Variants in CYGB observed in about 807,000 individuals in gnomAD.
CYGB encodes the protein histoglobin.
A neutral mutation model predicts 20.7 loss-of-function variants in CYGB; 13 were observed. The observed-to-expected ratio is 0.63, with a 90% CI of 0.41 to 1.00. The LOEUF (loss-of-function observed/expected upper bound fraction) is 1.00. CYGB is among the 50% of genes least tolerant of loss of function. The pLI is 0.00. For missense variants in CYGB, 218 were observed against 257.2 expected (o/e 0.85, Z 1.04); for synonymous variants, 93 against 107.4 (o/e 0.87, Z 0.83).
chr17:76,531,399 G>C lies in CYGB; in HGVS notation c.375+61C>G. 4 of 1,557,106 alleles carry C rather than the reference G, an allele frequency of 2.6e-6. No individual in the cohort carries two copies. Among genetic ancestry groups the C allele is most frequent in the Non-Finnish European group, 1.8e-6 (2 of 1,138,916 alleles). Reference sequence around the variant, plus strand: ...TCCAGAGAGCCGTCGCAGAGCCTGCGAGCTGCAGATGGCCATGACGCGTGG... The same window carrying C: ...TCCAGAGAGCCGTCGCAGAGCCTGCCAGCTGCAGATGGCCATGACGCGTGG... On this transcript the variant is annotated intron_variant, in intron 2 of 3. Transcript: ENST00000293230. This position sits in a 1 kb window ranked among gnomAD's most constrained non-coding sequence, Gnocchi z 7.4.
At chr17:76,529,048 C>T (rs1255478862) in intron 3 of CYGB, 2 of 431,216 alleles carry the variant, frequency 4.6e-6, no homozygotes, top group African/African-American at 2.3e-5. Flanking sequence ...CATTGCGCCC[C>T]CCCCCCACCC....
rs1231901422 is a variant in CYGB at position 76,531,086 on chromosome 17, T to A, written c.432A>T (p.Pro144=). ...VVAEEFASDF[P]PETQRAWAKL... ...TGGCCCAGGCTCTCTGCGTCTCAGG[T>A]GGGAAGTCACTGGCAAATTCCTCGG... The change falls in exon 3 of 4, where the codon CCA becomes CCT. Residue 144 remains proline (P), a synonymous_variant. Transcript: ENST00000293230. The surrounding 1 kb of genome is among the most constrained non-coding windows in gnomAD (Gnocchi z 7.4). 2.5e-5 allele frequency: 40 copies of A among 1,613,468 alleles called. No individual in the cohort carries two copies. Among genetic ancestry groups the A allele is most frequent in the Non-Finnish European group, 3.4e-5 (40 of 1,179,846 alleles).
Position 76,542,944 on chromosome 17 carries a change from G to A in CYGB, c.-53+7918C>T, listed in dbSNP as rs549742285. ...GTCGGAGGACGCCCAAGGGAGAGGC[G>A]GTGCTCGGAAACATCCACTCTGAAA... On this transcript the variant is annotated intron_variant, in intron 1 of 3. Transcript: ENST00000589145. 3.0e-5 allele frequency: 16 copies of A among 529,794 alleles called. No homozygotes were observed. In the East Asian group the frequency reaches 6.7e-4, roughly 22 times the overall value. 32.8% of individuals were successfully genotyped at this position (529,794 alleles called of 1,614,324 possible).
intron 1 of CYGB, chr17:76,543,942 C>T: frequency 2.1e-6 from 1 of 469,392 alleles, no homozygotes; most frequent in Middle Eastern, 4.0e-4. Context: ...TGTATGTGTG[C>T]AAGCGCGTGT....
chr17:76,532,356 C>G (rs1461921934), intron 1 of CYGB, among the ~76,000 whole-genome samples: 2 of 152,108 alleles, frequency 1.3e-5, no homozygotes, highest in Non-Finnish European at 2.9e-5. Context: ...GTCAGACATG[C>G]CTTACCTGGA....
chr17:76,547,413 T>C, intron 1 of CYGB: 1 of 152,440 alleles, frequency 6.6e-6, no homozygotes, highest in Non-Finnish European at 1.5e-5. Context: ...AGGGGGAGGG[T>C]GCAGGCCATG....
At chr17:76,529,580 C>T (rs1260303149) in intron 3 of CYGB, 1 of 985,420 alleles carries the variant, frequency 1.0e-6, no homozygotes, top group Non-Finnish European at 1.2e-6. Context: ...TCTCTGGAAG[C>T]AGGAAGTCTT....
At chr17:76,529,454 G>A (rs2074808029) in intron 3 of CYGB, 4 of 985,468 alleles carry the variant, frequency 4.1e-6, no homozygotes, top group Non-Finnish European at 4.8e-6. Context: ...GCAGGGTGGG[G>A]AGGGCAGGAC....
exon 1 of CYGB, chr17:76,551,029 G>T (rs1445731986): frequency 6.6e-6 from 1 of 152,236 alleles, no homozygotes; most frequent in Non-Finnish European, 1.5e-5. Flanking sequence ...GCAGAGCTGG[G>T]ACTTTCCTCC....
chr17:76,537,170 T>G (rs1478721725), intron 1 of CYGB, among the ~76,000 whole-genome samples: 2 of 152,186 alleles, frequency 1.3e-5, no homozygotes, highest in Non-Finnish European at 2.9e-5. Context: ...GGTGCTCTCC[T>G]GCATCTGGTT....
intron 1 of CYGB, chr17:76,543,828 C>G: frequency 2.1e-6 from 1 of 471,094 alleles, no homozygotes; most frequent in South Asian, 1.5e-5. Flanking sequence ...CTGTCACTGG[C>G]TGCTCTGCTG....
intron 1 of CYGB, among the ~76,000 whole-genome samples, chr17:76,548,735 G>T (rs961359246): frequency 4.6e-5 from 7 of 152,258 alleles, no homozygotes; most frequent in African/African-American, 1.7e-4. Flanking sequence ...CAACTGTAAT[G>T]AACTGTGTCT....
At position 76,531,821 on chromosome 17, in the gene CYGB, C is replaced by A. The variant is rs370221832; in HGVS notation, c.144-130G>T. ...CACCCCCGCACCGTCACTGTTTTCA[C>A]TACCATCAGTAGACCTCAGCATAGA... On this transcript the variant is annotated intron_variant, in intron 1 of 3. Coordinates refer to ENST00000293230, the MANE Select transcript of CYGB (RefSeq NM_134268.5). The surrounding 1 kb of genome is among the most constrained non-coding windows in gnomAD (Gnocchi z 7.4). The A allele has an allele frequency of 9.0e-5, 66 of 736,628 alleles. 1 individual carries two copies. In the East Asian group the frequency reaches 1.7e-3, roughly 19 times the overall value. The allele number at this position is 736,628 out of a possible 1,614,324, so 45.6% of individuals were successfully genotyped here.
Position 76,533,530 on chromosome 17 carries a change from G to A in CYGB, c.144-1839C>T, listed in dbSNP as rs2074874143. Among the ~76,000 whole-genome samples the A allele has an allele frequency of 6.6e-6, 1 of 152,166 alleles. No individual in the cohort carries two copies. ...GCTTGAGCTCAGGCATTTGAGACCAGCCTGGGCAATGTGGCAAACCCTGTC... is the reference window on the plus strand; with the variant it reads ...GCTTGAGCTCAGGCATTTGAGACCAACCTGGGCAATGTGGCAAACCCTGTC... On this transcript the variant is annotated intron_variant, in intron 1 of 3. Coordinates refer to ENST00000293230, the MANE Select transcript of CYGB (RefSeq NM_134268.5). This position sits in a 1 kb window ranked among gnomAD's most constrained non-coding sequence, Gnocchi z 4.5.
upstream of CYGB, chr17:76,540,049 G>T: frequency 1.5e-6 from 2 of 1,311,150 alleles, no homozygotes; most frequent in Non-Finnish European, 2.2e-6. This position sits in a 1 kb window ranked among gnomAD's most constrained non-coding sequence, Gnocchi z 5.0. Flanking sequence ...AGGACAGACG[G>T]CAGTGGCTCC....
chr17:76,549,335 G>A (rs759320259), intron 1 of CYGB, among the ~76,000 whole-genome samples: 9 of 152,250 alleles, frequency 5.9e-5, no homozygotes, highest in Non-Finnish European at 1.2e-4. Context: ...ATAGAAAGTT[G>A]TTCGACATGC....
upstream of CYGB, among the ~76,000 whole-genome samples, chr17:76,541,010 C>T (rs2074986198): frequency 6.6e-6 from 1 of 152,210 alleles, no homozygotes; most frequent in African/African-American, 2.4e-5. Flanking sequence ...CAATAGAAGG[C>T]GCGGGAGGAG....
At chr17:76,538,482 C>A, upstream of CYGB, 1 of 466,268 alleles carries the variant, frequency 2.1e-6, no homozygotes, top group Admixed American at 2.4e-5. Context: ...CAGAAGTCCC[C>A]CGTGGCTTAT....
upstream of CYGB, chr17:76,540,250 TCGGGG>T: frequency 6.5e-5 from 30 of 463,668 alleles, 7 homozygotes; most frequent in Middle Eastern, 4.7e-4. This position sits in a 1 kb window ranked among gnomAD's most constrained non-coding sequence, Gnocchi z 5.0. Flanking sequence ...TGGCGGTTGG[TCGGGG>T]GGGGGGGGCA....
Sources: gnomAD v4.1 joint callset for allele counts (sites outside exome capture counted in the v4.1 genomes callset) on GRCh38, gnomAD v4.1.1 for gene constraint, Gnocchi (gnomAD v3.1) non-coding constraint, MANE v1.5 for transcripts, NCBI Gene and HGNC (gene_info 2026-07-23, HGNC 2026-07-21) for gene names.